MAN2C1: variants seen among roughly 807,000 people sequenced by gnomAD.
The protein encoded by MAN2C1 is mannosidase alpha class 2C member 1.
A neutral mutation model predicts 126.9 loss-of-function variants in MAN2C1; 111 were observed. The observed-to-expected ratio is 0.87, with a 90% CI of 0.75 to 1.02. The LOEUF (loss-of-function observed/expected upper bound fraction) is 1.02, where lower values mean the gene tolerates loss of function less well. Among genes scored for constraint, MAN2C1 ranks in the 50% least tolerant of loss-of-function variants. MAN2C1 has a pLI of 0.00. For missense variants in MAN2C1, 1,363 were observed against 1,364.4 expected (o/e 1.00, Z 0.02); for synonymous variants, 567 against 561.5 (o/e 1.01, Z -0.14).
Position 75,368,471 on chromosome 15 carries a change from C to T in MAN2C1, c.101+12G>A. On this transcript the variant is annotated intron_variant, in intron 1 of 25. Coordinates refer to ENST00000267978, the MANE Select transcript of MAN2C1 (RefSeq NM_006715.4). ...TTGCGGTCGGCCGGCTGCGGGGGACCAGGGGCCACACCTGCCGCGGAGGTT... is the reference window on the plus strand; with the variant it reads ...TTGCGGTCGGCCGGCTGCGGGGGACTAGGGGCCACACCTGCCGCGGAGGTT... 1.9e-6 allele frequency: 3 copies of T among 1,547,276 alleles called. No homozygotes were observed. Among genetic ancestry groups the T allele is most frequent in the Non-Finnish European group, 2.6e-6 (3 of 1,144,702 alleles).
chr15:75,365,922 C>CA (rs1447493993), intron 4 of MAN2C1: 2 of 436,214 alleles, frequency 4.6e-6, no homozygotes, highest in Non-Finnish European at 9.1e-6. Flanking sequence ...CTTTCTCTAC[C>CA]AAAAATAAAA....
Position 75,360,577 on chromosome 15 carries a change from G to T in MAN2C1, c.1572C>A (p.Thr524=). The T allele has an allele frequency of 9.3e-6, 15 of 1,613,558 alleles. No individual in the cohort carries two copies. Among genetic ancestry groups the T allele is most frequent in the Non-Finnish European group, 1.3e-5 (15 of 1,179,920 alleles). ...LFLELHNGTY[T]THAQIKKGNR... ...ACCTCCCCCTGACCTGGGCATGGGT[G>T]GTGTATGTGCCATTGTGCAGCTCCA... Residue 524 remains threonine (T), a synonymous_variant, in exon 13 of 26, where the codon ACC becomes ACA. Coordinates refer to ENST00000267978, the MANE Select transcript of MAN2C1 (RefSeq NM_006715.4).
Position 75,361,992 on chromosome 15 carries a change from G to T in MAN2C1, c.1009-45C>A. ...GAGGCAGCCCAGGTCAGCGCTGGACGGGGAGCAGGCAGGCGCTCAGGCCAA... is the reference window on the plus strand; with the variant it reads ...GAGGCAGCCCAGGTCAGCGCTGGACTGGGAGCAGGCAGGCGCTCAGGCCAA... On this transcript the variant is annotated intron_variant, in intron 8 of 25. Coordinates refer to ENST00000267978, the MANE Select transcript of MAN2C1 (RefSeq NM_006715.4). The surrounding 1 kb of genome is among the most constrained non-coding windows in gnomAD (Gnocchi z 5.0). The T allele has an allele frequency of 6.8e-7, 1 of 1,475,266 alleles. No individual in the cohort carries two copies. The highest frequency in any genetic ancestry group is 9.5e-7 in the Non-Finnish European group (1 of 1,055,034). 91.4% of individuals were successfully genotyped at this position (1,475,266 alleles called of 1,614,324 possible).
Position 75,361,492 on chromosome 15 carries a change from G to A in MAN2C1, c.1219-111C>T. On this transcript the variant is annotated intron_variant, in intron 10 of 25. Coordinates refer to ENST00000267978, the MANE Select transcript of MAN2C1 (RefSeq NM_006715.4). This position sits in a 1 kb window ranked among gnomAD's most constrained non-coding sequence, Gnocchi z 5.0. The stretch of plus-strand genomic sequence containing the variant: ...TGCCTGCTATGTGACCCTGGCAGAG[G>A]CAGAGTGAGGGTTTGGTGGTCTGTC... 8.0e-7 allele frequency: 1 copy of A among 1,255,942 alleles called. No individual in the cohort carries two copies. Among genetic ancestry groups the A allele is most frequent in the Non-Finnish European group, 1.2e-6 (1 of 857,498 alleles). 77.8% of individuals were successfully genotyped at this position (1,255,942 alleles called of 1,614,324 possible). A position where few individuals can be genotyped will look rare whatever the true frequency, so the allele number is the denominator to read the frequency against.
chr15:75,363,248 G>A (rs930627675), intron 6 of MAN2C1: 1 of 456,078 alleles, frequency 2.2e-6, no homozygotes, highest in Admixed American at 2.3e-5. Context: ...CTTGTTCTGT[G>A]ATCCCAAAAC....
At chr15:75,358,888 G>T in intron 18 of MAN2C1, 80 bp from the exon 19 acceptor site, 1 of 1,387,290 alleles carries the variant, frequency 7.2e-7, no homozygotes, top group Non-Finnish European at 1.0e-6. Context: ...AGGGTGGAGT[G>T]AGTAGACCCA....
rs1415415054 is a variant in MAN2C1 at position 75,359,051 on chromosome 15, T to C, written c.2141+8A>G. On this transcript the variant is annotated splice_region_variant and intron_variant, in intron 18 of 25. Coordinates refer to ENST00000267978, the MANE Select transcript of MAN2C1 (RefSeq NM_006715.4). The stretch of plus-strand genomic sequence containing the variant: ...AGGCACTGGGAAAGGGCAATGAGGA[T>C]TTGGCACCTGCCAGAGGCCACCAGG... 5 of 1,613,568 alleles carry C rather than the reference T, an allele frequency of 3.1e-6. No homozygotes were observed. Among genetic ancestry groups the C allele is most frequent in the Non-Finnish European group, 4.2e-6 (5 of 1,179,862 alleles).
At chr15:75,360,315 T>C in intron 13 of MAN2C1, 104 bp from the exon 14 acceptor site, 1 of 1,506,766 alleles carries the variant, frequency 6.6e-7, no homozygotes, top group Non-Finnish European at 9.0e-7. Flanking sequence ...ACCAAGGGCC[T>C]CGTGGAGAAG....
Position 75,361,753 on chromosome 15 carries a change from C to A in MAN2C1, c.1102-33G>T. ...GAAAGAGGATCCTGGAGTGCAGGAA[C>A]CAGAGCTCCAGGCGGACTCACCCCA... On this transcript the variant is annotated intron_variant, in intron 9 of 25. Transcript: ENST00000267978. This position sits in a 1 kb window ranked among gnomAD's most constrained non-coding sequence, Gnocchi z 5.0. 6.2e-7 allele frequency: 1 copy of A among 1,601,376 alleles called. No individual in the cohort carries two copies. The highest frequency in any genetic ancestry group is 1.7e-4 in the Middle Eastern group (1 of 6,038).
Position 75,364,589 on chromosome 15 carries a change from G to T in MAN2C1, c.499C>A (p.Pro167Thr). The change falls in exon 5 of 26, where the codon CCT becomes ACT. Residue 167 changes from proline (P) to threonine (T), a missense_variant. This residue lies in a region of MAN2C1 where 628 missense variants were observed against 609.8 expected (regional missense o/e 1.03). Transcript: ENST00000267978. ...CGGCTCAGCTGGAACATCTTCTCAG[G>T]GTCAGGGGCTGCAATCATGCTTCCC... ...GKGSMIAAPD[P>T]EKMFQLSRAE... 1.9e-6 allele frequency: 3 copies of T among 1,613,482 alleles called. No homozygotes were observed. The highest frequency in any genetic ancestry group is 2.2e-5 in the South Asian group (2 of 90,946).
chr15:75,360,369 C>A, intron 13 of MAN2C1, 158 bp from the exon 14 acceptor site: 1 of 1,308,504 alleles, frequency 7.6e-7, no homozygotes. Context: ...CCTCTTCTCC[C>A]CGCAGCCCAA....
chr15:75,356,203 T>A lies in MAN2C1; in HGVS notation c.2903A>T (p.Gln968Leu), dbSNP rs1452804649. Residue 968 changes from glutamine to leucine, a missense_variant, in exon 25 of 26, where the codon CAG becomes CTG. Around this residue, in one of 3 missense-constraint regions of MAN2C1, gnomAD observed 668 missense variants for 650.1 expected, o/e 1.03. Coordinates refer to ENST00000267978, the MANE Select transcript of MAN2C1 (RefSeq NM_006715.4). This position sits in a 1 kb window ranked among gnomAD's most constrained non-coding sequence, Gnocchi z 5.8. ...ETVKQAESSP[Q>L]RRSLVLRLYE... The stretch of plus-strand genomic sequence containing the variant: ...CAGCCTCAGGACCAGCGAGCGGCGC[T>A]GGGGGCTGCTCTCCGCCTGCAGAGG... 3 of 1,613,162 alleles carry A rather than the reference T, an allele frequency of 1.9e-6. No individual in the cohort carries two copies. The highest frequency in any genetic ancestry group is 3.3e-5 in the Admixed American group (2 of 59,980).
rs1285731330 is a variant in MAN2C1, at chr15:75,358,466, G to C, written c.2399C>G (p.Thr800Ser). 6.2e-7 allele frequency: 1 copy of C among 1,613,550 alleles called. No homozygotes were observed. The highest frequency in any genetic ancestry group is 2.2e-5 in the East Asian group (1 of 44,872). The change falls in exon 20 of 26, where the codon ACC becomes AGC. Residue 800 changes from threonine to serine, a missense_variant. By Grantham distance (58) the Thr-to-Ser change is moderately conservative (BLOSUM62 1). Coordinates refer to ENST00000267978, the MANE Select transcript of MAN2C1 (RefSeq NM_006715.4). ...DVGCPYVRFHTEVHWHEAHKF... is the reference protein window; with the variant it reads ...DVGCPYVRFHSEVHWHEAHKF... ...CACCCCCTACCCCCCGACTACCTCG[G>C]TGTGGAAGCGGACATAGGGGCAGCC...
chr15:75,364,006 A>T lies in MAN2C1; in HGVS notation c.783T>A (p.Ile261=). ...AACCAGCTGCTGTCCTACCTGTATC[A>T]ATGTGGCAGTGCCCTGTGGCATGAA... The part of the protein sequence containing the change: ...HTIHATGHCH[I]DTAWLWPFKE... Residue 261 remains isoleucine (I), a synonymous_variant, in exon 6 of 26, where the codon ATT becomes ATA. Transcript: ENST00000267978. 1 of 1,614,034 alleles carries T rather than the reference A, an allele frequency of 6.2e-7. No individual in the cohort carries two copies. The highest frequency in any genetic ancestry group is 8.5e-7 in the Non-Finnish European group (1 of 1,179,994).
chr15:75,359,443 G>A lies in MAN2C1; in HGVS notation c.1949-18C>T, dbSNP rs1190861532. On this transcript the variant is annotated intron_variant, in intron 16 of 25. Coordinates refer to ENST00000267978, the MANE Select transcript of MAN2C1 (RefSeq NM_006715.4). ...CACCAGGGCTGGGGGTGAGGCCTGG[G>A]CATCAGTGCAGCCTTCCTGACCTTT... 1 of 1,599,624 alleles carries A rather than the reference G, an allele frequency of 6.3e-7. No individual in the cohort carries two copies. Among genetic ancestry groups the A allele is most frequent in the Non-Finnish European group, 8.5e-7 (1 of 1,169,928 alleles).
rs2072528991 is a variant in MAN2C1 at position 75,364,097 on chromosome 15, A to C, written c.692T>G (p.Phe231Cys). 1 of 1,613,998 alleles carries C rather than the reference A, an allele frequency of 6.2e-7. No individual in the cohort carries two copies. Among genetic ancestry groups the C allele is most frequent in the South Asian group, 1.1e-5 (1 of 91,082 alleles). Residue 231 changes from phenylalanine (F) to cysteine (C), a missense_variant, in exon 6 of 26, where the codon TTC becomes TGC. By Grantham distance (205) the Phe-to-Cys change is radical. This residue lies in a region of MAN2C1 where 628 missense variants were observed against 609.8 expected (regional missense o/e 1.03). Coordinates refer to ENST00000267978, the MANE Select transcript of MAN2C1 (RefSeq NM_006715.4). Reference sequence around the variant, plus strand: ...GGAGGCCAGGGCCTGGGCCACTGGGAAGGTCTCGGGCTGGGCAGGGTCACA... The same window carrying C: ...GGAGGCCAGGGCCTGGGCCACTGGGCAGGTCTCGGGCTGGGCAGGGTCACA... ...NVCDPAQPET[F>C]PVAQALASRF...
Position 75,362,708 on chromosome 15 carries a change from G to C in MAN2C1, c.831C>G (p.Ala277=). 6.2e-7 allele frequency: 1 copy of C among 1,614,160 alleles called. No homozygotes were observed. The highest frequency in any genetic ancestry group is 8.5e-7 in the Non-Finnish European group (1 of 1,180,014). ...GCTGCAGGGCGGTCACCCAGCTCCG[G>C]GCACATTTCCTCACAGTCTCTTTGA... ...WPFKETVRKC[A]RSWVTALQLM... The change falls in exon 7 of 26, where the codon GCC becomes GCG. Residue 277 remains alanine (A), a synonymous_variant. Coordinates refer to ENST00000267978, the MANE Select transcript of MAN2C1 (RefSeq NM_006715.4). This position sits in a 1 kb window ranked among gnomAD's most constrained non-coding sequence, Gnocchi z 4.5.
Position 75,361,374 on chromosome 15 carries a change from G to T in MAN2C1, c.1226C>A (p.Thr409Lys), listed in dbSNP as rs2072465317. Residue 409 changes from threonine to lysine, a missense_variant, in exon 11 of 26, where the codon ACA becomes AAA. Thr to Lys is a moderately conservative substitution (Grantham distance 78, BLOSUM62 -1). Coordinates refer to ENST00000267978, the MANE Select transcript of MAN2C1 (RefSeq NM_006715.4). The surrounding 1 kb of genome is among the most constrained non-coding windows in gnomAD (Gnocchi z 5.0). ...GCCATCCAGGCCCTCCCAGAAAAAT[G>T]TATGGTGCTACCAGCAGGGAAACAG... ...WNLVNSFPHHTFFWEGLDGSR... is the reference protein window; with the variant it reads ...WNLVNSFPHHKFFWEGLDGSR... 7 of 1,562,956 alleles carry T rather than the reference G, an allele frequency of 4.5e-6. No homozygotes were observed. Among genetic ancestry groups the T allele is most frequent in the Admixed American group, 1.9e-5 (1 of 51,874 alleles).
intron 2 of MAN2C1, 96 bp downstream of exon 2, chr15:75,367,977 T>A: frequency 2.1e-6 from 3 of 1,441,576 alleles, no homozygotes; most frequent in Non-Finnish European, 2.8e-6. Flanking sequence ...CACGTAGTTG[T>A]CTACGGCAGA....
Sources: gnomAD v4.1 joint callset for allele counts on GRCh38, gnomAD v4.1.1 for gene constraint, gnomAD v4.1.1 regional missense constraint, Gnocchi (gnomAD v3.1) non-coding constraint, MANE v1.5 for transcripts, NCBI Gene and HGNC (gene_info 2026-07-23, HGNC 2026-07-21) for gene names.